RIMS4: variants seen among roughly 807,000 people sequenced by gnomAD.
RIMS4 encodes regulating synaptic membrane exocytosis 4.
RIMS4 carries 9 observed loss-of-function variants against 29.0 expected under a neutral mutation model. That is an observed-to-expected ratio of 0.31 (90% confidence interval 0.19 to 0.54). The LOEUF (loss-of-function observed/expected upper bound fraction) is 0.54. Among genes scored for constraint, RIMS4 ranks in the 20% least tolerant of loss-of-function variants. RIMS4 has a pLI of 0.94. For missense variants in RIMS4, 193 were observed against 365.7 expected, an observed-to-expected ratio of 0.53 and a Z score of 3.85; for synonymous variants, 130 against 152.9, an observed-to-expected ratio of 0.85 and a Z score of 1.10.
At chr20:44,787,891 C>T (rs1225606894) in intron 1 of RIMS4, among the ~76,000 whole-genome samples, 1 of 152,204 alleles carries the variant, frequency 6.6e-6, no homozygotes, top group African/African-American at 2.4e-5. Flanking sequence ...CACTTCCATA[C>T]AATTTGTCAA....
At chr20:44,809,313 C>T (rs1013043822) in intron 1 of RIMS4, among the ~76,000 whole-genome samples, 2 of 152,146 alleles carry the variant, frequency 1.3e-5, no homozygotes, top group Admixed American at 6.5e-5. Context: ...GAACCAAATC[C>T]GGAGCTCTCA....
At chr20:44,809,260 C>A (rs558503006) in intron 1 of RIMS4, among the ~76,000 whole-genome samples, 1 of 152,274 alleles carries the variant, frequency 6.6e-6, no homozygotes, top group South Asian at 2.1e-4. Context: ...CACCCAAGCC[C>A]TCTAGCTACC....
intron 1 of RIMS4, among the ~76,000 whole-genome samples, chr20:44,799,255 A>G (rs575093764): frequency 1.3e-5 from 2 of 152,208 alleles, no homozygotes; most frequent in East Asian, 3.9e-4. Flanking sequence ...GTGACCTGAG[A>G]TCATGCCACT....
intron 2 of RIMS4, among the ~76,000 whole-genome samples, chr20:44,763,895 A>G (rs1470656324): frequency 6.6e-6 from 1 of 152,162 alleles, no homozygotes; most frequent in Admixed American, 6.6e-5. Flanking sequence ...GTGATTCTCA[A>G]AGGTTTAGGA....
intron 2 of RIMS4, among the ~76,000 whole-genome samples, chr20:44,760,639 G>C (rs1328422723): frequency 2.0e-5 from 3 of 152,196 alleles, no homozygotes; most frequent in African/African-American, 7.2e-5. Context: ...CTGGACACGA[G>C]CCCTCACTGA....
intron 4 of RIMS4, 107 bp from the exon 5 acceptor site, chr20:44,757,144 C>T: frequency 3.9e-6 from 5 of 1,276,554 alleles, no homozygotes; most frequent in Non-Finnish European, 5.5e-6. Context: ...TAGGTGTGCC[C>T]CCATGGGGTC....
At chr20:44,757,534 C>T in intron 4 of RIMS4, 136 bp downstream of exon 4, 2 of 693,774 alleles carry the variant, frequency 2.9e-6, no homozygotes, top group Non-Finnish European at 5.2e-6. Context: ...ACTACCAATT[C>T]CACATAAGAC....
At chr20:44,782,651 G>A (rs2145463735) in intron 1 of RIMS4, among the ~76,000 whole-genome samples, 1 of 152,310 alleles carries the variant, frequency 6.6e-6, no homozygotes, top group South Asian at 2.1e-4. Context: ...TGAAGGGGCA[G>A]GCCCTATCTG....
chr20:44,781,131 A>G (rs2066182668), intron 1 of RIMS4, among the ~76,000 whole-genome samples: 1 of 151,604 alleles, frequency 6.6e-6, no homozygotes, highest in Non-Finnish European at 1.5e-5. Context: ...TGTGGGGGGG[A>G]CATGAAACAG....
chr20:44,785,278 G>C (rs974441731), intron 1 of RIMS4, among the ~76,000 whole-genome samples: 1 of 151,476 alleles, frequency 6.6e-6, no homozygotes, highest in Non-Finnish European at 1.5e-5. Context: ...ACCCAGGCTG[G>C]AGTGCAGTGG....
At chr20:44,789,031 A>C (rs2066221155) in intron 1 of RIMS4, among the ~76,000 whole-genome samples, 1 of 152,054 alleles carries the variant, frequency 6.6e-6, no homozygotes, top group Admixed American at 6.5e-5. Flanking sequence ...TTAGTGTCAT[A>C]AGCCTTCCAA....
chr20:44,807,063 A>G (rs766081843), intron 1 of RIMS4, among the ~76,000 whole-genome samples: 11 of 150,184 alleles, frequency 7.3e-5, no homozygotes, highest in Non-Finnish European at 1.6e-4. Context: ...CCCAGTGCCA[A>G]CAAGGCTGGG....
chr20:44,773,539 T>A (rs572834777), intron 1 of RIMS4, among the ~76,000 whole-genome samples: 1 of 151,300 alleles, frequency 6.6e-6, no homozygotes, highest in South Asian at 2.1e-4. Flanking sequence ...CTGGGCACCC[T>A]GCAGGCAGGC....
At chr20:44,772,849 G>A (rs2066142815) in intron 1 of RIMS4, among the ~76,000 whole-genome samples, 1 of 152,158 alleles carries the variant, frequency 6.6e-6, no homozygotes. Context: ...TACAGGAGCA[G>A]GGCAAGCCAG....
intron 1 of RIMS4, among the ~76,000 whole-genome samples, chr20:44,773,199 T>C (rs918337409): frequency 1.3e-5 from 2 of 152,170 alleles, no homozygotes; most frequent in African/African-American, 2.4e-5. Context: ...GGTAGGTGTA[T>C]ACACATCTTC....
intron 1 of RIMS4, among the ~76,000 whole-genome samples, chr20:44,779,346 C>T (rs2066173902): frequency 6.6e-6 from 1 of 152,200 alleles, no homozygotes; most frequent in Admixed American, 6.5e-5. Flanking sequence ...AACCAGCACC[C>T]AGATCAAGAA....
chr20:44,791,992 T>G (rs896661689), intron 1 of RIMS4, among the ~76,000 whole-genome samples: 1 of 152,102 alleles, frequency 6.6e-6, no homozygotes, highest in Admixed American at 6.6e-5. Flanking sequence ...AGGACCCCAG[T>G]GATCTGGGGC....
chr20:44,789,833 C>G (rs2066225271), intron 1 of RIMS4, among the ~76,000 whole-genome samples: 1 of 152,230 alleles, frequency 6.6e-6, no homozygotes, highest in South Asian at 2.1e-4. Flanking sequence ...GCCGGGATTA[C>G]AGTCATGAGA....
At chr20:44,774,362 T>C (rs574804775) in intron 1 of RIMS4, among the ~76,000 whole-genome samples, 4 of 152,178 alleles carry the variant, frequency 2.6e-5, no homozygotes, top group Non-Finnish European at 5.9e-5. Context: ...AGATTAACAT[T>C]TGAGTCAGTG....
Sources: gnomAD v4.1 joint callset for allele counts (sites outside exome capture counted in the v4.1 genomes callset) on GRCh38, gnomAD v4.1.1 for gene constraint, MANE v1.5 for transcripts, NCBI Gene and HGNC (gene_info 2026-07-23, HGNC 2026-07-21) for gene names.